The following GTPBP3 variants were observed in gnomAD, a reference collection of about 807,000 sequenced individuals.
The protein encoded by GTPBP3 is 5-taurinomethyluridine-[tRNA] synthase subunit GTPB3, mitochondrial.
A neutral mutation model predicts 42.0 loss-of-function variants in GTPBP3; 35 were observed. The ratio of observed to expected loss-of-function variants is 0.83; its 90% CI spans 0.64 to 1.10. GTPBP3 has a LOEUF of 1.10. GTPBP3 is among the 50% of genes least tolerant of loss of function. The pLI, the probability that GTPBP3 is intolerant of heterozygous loss-of-function variation, is 0.00. For missense variants in GTPBP3, 691 were observed against 685.2 expected (o/e 1.01, Z -0.09); for synonymous variants, 332 against 314.9 (o/e 1.05, Z -0.58).
At chr19:17,339,705 G>A (rs1157236600) in intron 7 of GTPBP3, 106 bp downstream of exon 7, 4 of 1,055,964 alleles carry the variant, frequency 3.8e-6, no homozygotes, top group African/African-American at 3.3e-5. Context: ...AACCTGCTAA[G>A]CCCTATCAAG....
At position 17,342,060 on chromosome 19, in the gene GTPBP3, C is replaced by T. The variant is rs2074437876; in HGVS notation, c.*357C>T. ...AGAAGTGTTTATTTTCTTCCCTTCC[C>T]TTCCCTTCCCTTTCCTTTTCCCTTT... is the stretch of plus-strand genomic sequence containing the variant. On this transcript the variant is annotated 3_prime_UTR_variant, in exon 9 of 9. Transcript: ENST00000324894. The T allele has an allele frequency of 5.3e-6, 1 of 187,952 alleles. No individual in the cohort carries two copies. Among genetic ancestry groups the T allele is most frequent in the African/African-American group, 2.4e-5 (1 of 42,538 alleles). 11.6% of individuals were successfully genotyped at this position (187,952 alleles called of 1,614,324 possible).
upstream of GTPBP3, chr19:17,335,208 C>T: frequency 1.3e-6 from 2 of 1,508,916 alleles, no homozygotes; most frequent in Non-Finnish European, 1.8e-6. Flanking sequence ...CCCAGTAGGG[C>T]TGTGATACAT....
At position 17,339,244 on chromosome 19, in the gene GTPBP3, G is replaced by A. The variant is rs779032068; in HGVS notation, c.786G>A (p.Lys262=). ...TCACTGGACCCCCCAATGCGGGCAA[G>A]AGCAGCCTAGTGAACCTGCTCAGTG... ...VVVTGPPNAG[K]SSLVNLLSRK... The change falls in exon 6 of 9, where the codon AAG becomes AAA. Residue 262 remains lysine, a synonymous_variant. Transcript: ENST00000324894. 1.6e-5 allele frequency: 26 copies of A among 1,609,000 alleles called. No homozygotes were observed. In the East Asian group the frequency reaches 4.5e-4, roughly 28 times the overall value.
chr19:17,337,012 C>T (rs150808315), upstream of GTPBP3: 6 of 152,274 alleles, frequency 3.9e-5, no homozygotes, highest in African/African-American at 1.2e-4. Context: ...GGGAGAGAAT[C>T]TGGAGAGTTC....
chr19:17,335,144 G>A, upstream of GTPBP3: 1 of 1,535,712 alleles, frequency 6.5e-7, no homozygotes, highest in Non-Finnish European at 8.7e-7. Context: ...AAGGGAGGAC[G>A]TGGGAGGGGC....
upstream of GTPBP3, chr19:17,335,213 A>G (rs2074356697): frequency 1.3e-6 from 2 of 1,501,886 alleles, no homozygotes; most frequent in South Asian, 1.2e-5. Flanking sequence ...TAGGGCTGTG[A>G]TACATAATTA....
Position 17,338,042 on chromosome 19 carries a change from C to T in GTPBP3, c.88C>T (p.Pro30Ser). Residue 30 changes from proline (P) to serine (S), a missense_variant, in exon 2 of 9, where the codon CCC becomes TCC. Physicochemically the swap from Pro to Ser is moderately conservative, Grantham distance 74 (BLOSUM62 -1). Transcript: ENST00000324894. ...CTRRSSGAPA[P>S]GSGATIFALS... The stretch of plus-strand genomic sequence containing the variant: ...GCGCCGGAGCAGCGGCGCACCAGCC[C>T]CCGGCTCCGGCGCCACCATCTTCGC... 1 of 1,597,942 alleles carries T rather than the reference C, an allele frequency of 6.3e-7. No homozygotes were observed. The highest frequency in any genetic ancestry group is 8.5e-7 in the Non-Finnish European group (1 of 1,179,470).
intron 7 of GTPBP3, 173 bp from the exon 8 acceptor site, chr19:17,340,871 G>T: frequency 7.0e-6 from 4 of 574,904 alleles, no homozygotes; most frequent in South Asian, 2.1e-5. Flanking sequence ...CACCCCCTGT[G>T]CTCGGCTTGG....
chr19:17,339,913 T>A (rs1009456866), intron 7 of GTPBP3, among the ~76,000 whole-genome samples: 4 of 21,898 alleles, frequency 1.8e-4, no homozygotes, highest in Non-Finnish European at 9.2e-5. Context: ...CGCCGAACTA[T>A]TTTTTTTTTT....
intron 4 of GTPBP3, 34 bp from the exon 5 acceptor site, chr19:17,338,920 G>C (rs368666036): frequency 2.6e-6 from 4 of 1,564,090 alleles, no homozygotes; most frequent in Non-Finnish European, 3.5e-6. Context: ...GTTTCTGGGT[G>C]CACACACCAC....
At chr19:17,334,990 C>T (rs1216607231), upstream of GTPBP3, 2 of 1,534,286 alleles carry the variant, frequency 1.3e-6, no homozygotes, top group East Asian at 2.4e-5. Flanking sequence ...TGCTGCTGGT[C>T]CCCGCCCGCA....
chr19:17,337,304 T>A (rs2074376440), upstream of GTPBP3: 1 of 329,034 alleles, frequency 3.0e-6, no homozygotes, highest in Non-Finnish European at 5.4e-6. Context: ...ACTCTGTCCT[T>A]TCTTCCATTC....
rs1256357163 is a variant in GTPBP3, at chr19:17,338,682, A to G, written c.532A>G (p.Arg178Gly). 2 of 1,613,498 alleles carry G rather than the reference A, an allele frequency of 1.2e-6. No homozygotes were observed. The highest frequency in any genetic ancestry group is 2.7e-5 in the African/African-American group (2 of 74,940). ...ETEAQRRQAL[R>G]QLDGELGHLC... is the part of the protein sequence containing the mutation. ...AGAGGCGCAGCGGCGGCAGGCCCTCAGGCAGCTGGACGGAGAGCTGGGCCA... is the reference window on the plus strand; with the variant it reads ...AGAGGCGCAGCGGCGGCAGGCCCTCGGGCAGCTGGACGGAGAGCTGGGCCA... The change falls in exon 4 of 9, where the codon AGG becomes GGG. Residue 178 changes from arginine to glycine, a missense_variant. Transcript: ENST00000324894.
At chr19:17,336,239 A>T (rs1171345093), upstream of GTPBP3, among the ~76,000 whole-genome samples, 1 of 147,744 alleles carries the variant, frequency 6.8e-6, no homozygotes, top group Non-Finnish European at 1.5e-5. Flanking sequence ...CCGTCTCAAA[A>T]AAAAAAAAAA....
upstream of GTPBP3, chr19:17,335,224 C>T: frequency 3.4e-6 from 5 of 1,476,056 alleles, no homozygotes; most frequent in Non-Finnish European, 4.5e-6. Context: ...TACATAATTA[C>T]AGCAAGCCCT....
In GTPBP3 at chr19:17,341,812, A is replaced by C; in HGVS notation, c.*109A>C. Reference sequence around the variant, plus strand: ...TCTCATTCGCCTGGGAAAGAACTTGATTCTCAAATAGTGAAGCAACACAGC... The same window carrying C: ...TCTCATTCGCCTGGGAAAGAACTTGCTTCTCAAATAGTGAAGCAACACAGC... On this transcript the variant is annotated 3_prime_UTR_variant, in exon 9 of 9. Coordinates refer to ENST00000324894, the MANE Select transcript of GTPBP3 (RefSeq NM_032620.4). 1.0e-6 allele frequency: 1 copy of C among 955,714 alleles called. No homozygotes were observed. Among genetic ancestry groups the C allele is most frequent in the Non-Finnish European group, 1.6e-6 (1 of 644,264 alleles). The allele number at this position is 955,714 out of a possible 1,614,324, so 59.2% of individuals were successfully genotyped here.
chr19:17,340,740 G>T (rs2074421312), intron 7 of GTPBP3, among the ~76,000 whole-genome samples: 2 of 96,328 alleles, frequency 2.1e-5, no homozygotes, highest in South Asian at 6.3e-4. Context: ...CGCCCCTCCT[G>T]CCCTGCCCTA....
At chr19:17,335,695 T>G (rs1044317333), upstream of GTPBP3, among the ~76,000 whole-genome samples, 1 of 152,206 alleles carries the variant, frequency 6.6e-6, no homozygotes, top group Non-Finnish European at 1.5e-5. Context: ...TACCTGGCAT[T>G]TGGCCAACCC....
intron 4 of GTPBP3, 58 bp downstream of exon 4, chr19:17,338,799 A>G (rs2074395996): frequency 1.9e-6 from 3 of 1,551,324 alleles, no homozygotes; most frequent in Middle Eastern, 1.7e-4. Context: ...CAACCCCTGC[A>G]TGAGACCCCC....
Sources: gnomAD v4.1 joint callset for allele counts (sites outside exome capture counted in the v4.1 genomes callset) on GRCh38, gnomAD v4.1.1 for gene constraint, MANE v1.5 for transcripts, NCBI Gene and HGNC (gene_info 2026-07-23, HGNC 2026-07-21) for gene names.